The following ZNF804B variants were observed in gnomAD, a reference collection of about 807,000 sequenced individuals.
ZNF804B encodes zinc finger protein 804B, also known as zinc finger 804B.
ZNF804B carries 80 observed loss-of-function variants against 101.4 expected under a neutral mutation model. That is an observed-to-expected ratio of 0.79 (90% CI 0.66 to 0.95). The LOEUF is 0.95. Among genes scored for constraint, ZNF804B ranks in the 40% least tolerant of loss-of-function variants. The pLI is 0.00. For missense variants in ZNF804B, 1,673 were observed against 1,561.9 expected (o/e 1.07, Z -1.20); for synonymous variants, 622 against 558.8 (o/e 1.11, Z -1.59).
chr7:88,834,959 G>A (rs991073338), intron 1 of ZNF804B, among the ~76,000 whole-genome samples: 2 of 151,752 alleles, frequency 1.3e-5, no homozygotes, highest in South Asian at 2.1e-4. Flanking sequence ...GATTTCTGCA[G>A]CATTTTCTTT....
intron 1 of ZNF804B, among the ~76,000 whole-genome samples, chr7:89,141,978 T>C (rs1296873909): frequency 2.0e-5 from 3 of 151,752 alleles, no homozygotes; most frequent in Non-Finnish European, 4.4e-5. Context: ...ATACCAGACA[T>C]TTATTCCATC....
rs17164741 is a variant in ZNF804B at position 88,848,266 on chromosome 7, G to C, written c.108+88182G>C. Among the ~76,000 whole-genome samples the C allele has an allele frequency of 7.4e-4, 112 of 152,302 alleles. 1 individual carries two copies. Among genetic ancestry groups the C allele is most frequent in the Non-Finnish European group, 1.4e-3 (93 of 68,018 alleles). On this transcript the variant is annotated intron_variant, in intron 1 of 3. Transcript: ENST00000333190. ...CATGAAAGCTTAGGTGATAAAAAGAGATGAAGCTCAACAGGCAGAGTGTCC... is the reference window on the plus strand; with the variant it reads ...CATGAAAGCTTAGGTGATAAAAAGACATGAAGCTCAACAGGCAGAGTGTCC...
At chr7:89,003,058 AT>A (rs1788312534) in intron 1 of ZNF804B, among the ~76,000 whole-genome samples, 4 of 150,744 alleles carry the variant, frequency 2.7e-5, no homozygotes, top group Non-Finnish European at 5.9e-5. Context: ...ATCCTTACCA[AT>A]TTTCAGAGGA....
intron 1 of ZNF804B, among the ~76,000 whole-genome samples, chr7:89,211,610 C>T (rs757272269): frequency 3.3e-5 from 5 of 151,480 alleles, no homozygotes; most frequent in Admixed American, 6.6e-5. Context: ...AGTCCTTTCC[C>T]AATTACTTGT....
At chr7:88,802,074 A>G (rs573279374) in intron 1 of ZNF804B, among the ~76,000 whole-genome samples, 4 of 152,094 alleles carry the variant, frequency 2.6e-5, no homozygotes, top group Admixed American at 2.6e-4. Flanking sequence ...AGGAAATCTG[A>G]TGGCTTTAAA....
chr7:88,997,289 A>T (rs976723214), intron 1 of ZNF804B, among the ~76,000 whole-genome samples: 7 of 152,074 alleles, frequency 4.6e-5, no homozygotes, highest in African/African-American at 1.7e-4. Context: ...TTACATCCAG[A>T]CAATAAGGGA....
intron 1 of ZNF804B, among the ~76,000 whole-genome samples, chr7:88,905,515 C>T (rs1049174075): frequency 1.3e-5 from 2 of 151,906 alleles, no homozygotes; most frequent in Non-Finnish European, 2.9e-5. Context: ...CTGCCACCAT[C>T]CCTGGCTAAT....
chr7:88,909,277 T>G lies in ZNF804B; in HGVS notation c.108+149193T>G, dbSNP rs147407771. ...GAAAAACTGTTTTTCCTCATCTGCA[T>G]GAGAAGATTAACAAAGGTGAAGAAT... On this transcript the variant is annotated intron_variant, in intron 1 of 3. Coordinates refer to ENST00000333190, the MANE Select transcript of ZNF804B (RefSeq NM_181646.5). 2.1e-4 allele frequency among the ~76,000 whole-genome samples: 32 copies of G among 151,968 alleles called. No homozygotes were observed. The East Asian group carries it at 6.0e-3, about 28-fold the overall frequency.
chr7:88,811,248 A>G (rs1372132040), intron 1 of ZNF804B, among the ~76,000 whole-genome samples: 1 of 152,172 alleles, frequency 6.6e-6, no homozygotes, highest in Non-Finnish European at 1.5e-5. Context: ...CAGCCAATAA[A>G]CAAGCAAAAA....
At chr7:89,111,655 C>G (rs1790220488) in intron 1 of ZNF804B, among the ~76,000 whole-genome samples, 1 of 152,092 alleles carries the variant, frequency 6.6e-6, no homozygotes, top group African/African-American at 2.4e-5. Flanking sequence ...TTCTCTCAGT[C>G]TGTAGCTTAT....
chr7:88,866,493 T>C (rs1051215365), intron 1 of ZNF804B, among the ~76,000 whole-genome samples: 12 of 152,302 alleles, frequency 7.9e-5, no homozygotes, highest in Middle Eastern at 3.4e-3. Flanking sequence ...AATATCACCA[T>C]GTGGTATTGT....
chr7:89,018,467 T>A (rs1439886654), intron 1 of ZNF804B, among the ~76,000 whole-genome samples: 1 of 70,356 alleles, frequency 1.4e-5, no homozygotes, highest in Non-Finnish European at 2.7e-5. Context: ...GGTCTGTAGT[T>A]TTTATGGAGT....
At chr7:89,036,454 T>C (rs1163807716) in intron 1 of ZNF804B, among the ~76,000 whole-genome samples, 4 of 152,008 alleles carry the variant, frequency 2.6e-5, no homozygotes, top group African/African-American at 9.7e-5. Context: ...GGGGATTCCT[T>C]CTTCCTGCTT....
At chr7:88,854,410 T>TCTTCCTTCCTTTCTTC (rs1438172000) in intron 1 of ZNF804B, among the ~76,000 whole-genome samples, 1 of 132,644 alleles carries the variant, frequency 7.5e-6, no homozygotes, top group African/African-American at 3.0e-5. Context: ...TTTCTTTCTT[T>TCTTCCTTCCTTTCTTC]CTTCCTTTCT....
chr7:89,246,179 AG>A (rs1789442941), intron 2 of ZNF804B, among the ~76,000 whole-genome samples: 1 of 152,128 alleles, frequency 6.6e-6, no homozygotes, highest in Non-Finnish European at 1.5e-5. Flanking sequence ...AACAATAGAA[AG>A]TGTCTCAGCA....
chr7:88,785,833 T>C (rs1790293867), intron 1 of ZNF804B, among the ~76,000 whole-genome samples: 1 of 152,178 alleles, frequency 6.6e-6, no homozygotes, highest in Admixed American at 6.6e-5. Flanking sequence ...CCTTGACTTT[T>C]AATTGGCTTA....
intron 1 of ZNF804B, among the ~76,000 whole-genome samples, chr7:88,814,593 A>G (rs994140644): frequency 2.6e-5 from 4 of 152,142 alleles, no homozygotes; most frequent in African/African-American, 4.8e-5. Flanking sequence ...CATGGATTTC[A>G]TGTAAAGACA....
chr7:89,223,430 C>T (rs980728810), intron 2 of ZNF804B, among the ~76,000 whole-genome samples: 5 of 151,816 alleles, frequency 3.3e-5, no homozygotes, highest in African/African-American at 4.8e-5. Flanking sequence ...CGTCTGTCAG[C>T]ATCATGTGTT....
chr7:89,166,556 C>A (rs1791147046), intron 1 of ZNF804B, among the ~76,000 whole-genome samples: 1 of 152,158 alleles, frequency 6.6e-6, no homozygotes, highest in Non-Finnish European at 1.5e-5. Flanking sequence ...ACCACAGCTG[C>A]AGACTTTAAT....
Sources: allele counts gnomAD v4.1 joint callset (sites outside exome capture counted in the v4.1 genomes callset), GRCh38; gene constraint gnomAD v4.1.1; transcripts MANE v1.5; gene names NCBI Gene and HGNC (gene_info 2026-07-23, HGNC 2026-07-21).